Variants in GLB1 observed in about 807,000 individuals in gnomAD.
GLB1 encodes beta-galactosidase.
GLB1 carries 56 observed loss-of-function variants against 74.0 expected under a neutral mutation model. That is an observed-to-expected ratio of 0.76 (90% confidence interval 0.61 to 0.94). The LOEUF (loss-of-function observed/expected upper bound fraction) is 0.94, where lower values mean the gene tolerates loss of function less well. GLB1 is among the 40% of genes least tolerant of loss of function. The pLI is 0.00. For synonymous variants in GLB1, 323 were observed against 323.6 expected (o/e 1.00, Z 0.02); for missense variants, 787 against 845.5 (o/e 0.93, Z 0.86).
At chr3:33,040,619 G>GACAACA (rs974918861) in intron 10 of GLB1, among the ~76,000 whole-genome samples, 1 of 151,498 alleles carries the variant, frequency 6.6e-6, no homozygotes, top group African/African-American at 2.4e-5. Flanking sequence ...TAAGAACAAT[G>GACAACA]ACAACAACAA....
At chr3:33,046,281 G>A in intron 9 of GLB1, 49 bp from the exon 10 acceptor site, 1 of 1,606,918 alleles carries the variant, frequency 6.2e-7, no homozygotes, top group South Asian at 1.1e-5. Context: ...TGCAGCTCTG[G>A]GACAAGTTCT....
At chr3:33,051,558 T>C (rs1049595860) in intron 9 of GLB1, among the ~76,000 whole-genome samples, 200 bp downstream of exon 9, 1 of 146,028 alleles carries the variant, frequency 6.8e-6, no homozygotes, top group African/African-American at 2.6e-5. Context: ...TGAGTTGAGA[T>C]TGTACCACTG....
At chr3:32,969,759 A>G in the GLB1 span, among the ~76,000 whole-genome samples, 2 of 152,256 alleles carry the variant, frequency 1.3e-5, no homozygotes. Flanking sequence ...AGGAACTCAC[A>G]TGGAAAAAAC....
At chr3:33,091,648 A>G in intron 1 of GLB1, 1 of 984,692 alleles carries the variant, frequency 1.0e-6, no homozygotes. Context: ...TACGATAATT[A>G]TCCCCATTTT....
intron 12 of GLB1, 136 bp from the exon 13 acceptor site, chr3:33,018,697 T>A: frequency 2.1e-6 from 2 of 935,242 alleles, no homozygotes; most frequent in South Asian, 3.1e-5. Flanking sequence ...CCCGAAAAAA[T>A]TAAATTTGAA....
At position 32,997,141 on chromosome 3, in the gene GLB1, T is replaced by C. The variant is rs201051026; in HGVS notation, c.1938A>G (p.Ser646=). The change falls in exon 16 of 16, where the codon TCA becomes TCG. Residue 646 remains serine, a synonymous_variant. Coordinates refer to ENST00000307363, the MANE Select transcript of GLB1 (RefSeq NM_000404.4). ...VTFVDRPVIG[S]SVTYDHPSKP... ...TGGAGGGATGATCGTAGGTCACAGA[T>C]GAGCCAATAACTGGCCTGTCCACGA... The C allele has an allele frequency of 7.3e-5, 118 of 1,614,172 alleles. No individual in the cohort carries two copies. In the East Asian group the frequency reaches 2.6e-3, roughly 35 times the overall value.
rs150278896 is a variant in GLB1 at position 33,077,849 on chromosome 3, C to CAA, written c.76-5138_76-5137dup. ...TCAGTAAGTTATTTTGCTGTTTTAA[C>CAA]AAAAAAAAAACATAAAAATCCTTGC... On this transcript the variant is annotated intron_variant, in intron 1 of 15. Transcript: ENST00000307363. Among the ~76,000 whole-genome samples, 17 of 146,384 alleles carry CAA rather than the reference C, an allele frequency of 1.2e-4. No individual in the cohort carries two copies. In the East Asian group the frequency reaches 1.6e-3, roughly 13 times the overall value.
intron 10 of GLB1, among the ~76,000 whole-genome samples, chr3:33,034,976 T>C (rs1030137179): frequency 5.3e-5 from 8 of 152,238 alleles, no homozygotes; most frequent in Admixed American, 5.2e-4. Flanking sequence ...AAAATATTTT[T>C]AGCCATTTTT....
the GLB1 span, among the ~76,000 whole-genome samples, chr3:32,975,545 G>T: frequency 8.5e-3 from 1,293 of 152,124 alleles, 15 homozygotes; most frequent in African/African-American, 0.03. Flanking sequence ...CCCAGTACAG[G>T]GGCAACTTCA....
Position 33,091,892 on chromosome 3 carries a change from T to C in GLB1, c.75+5119A>G, listed in dbSNP as rs753605646. 40 of 985,470 alleles carry C rather than the reference T, an allele frequency of 4.1e-5. 1 individual carries two copies. The highest frequency in any genetic ancestry group is 2.9e-5 in the Non-Finnish European group (24 of 829,942). The allele number at this position is 985,470 out of a possible 1,614,324, so 61.0% of individuals were successfully genotyped here. A position where few individuals can be genotyped will look rare whatever the true frequency, so the allele number is the denominator to read the frequency against. ...CTCCATCTCAGGATCAAAGGATCTA[T>C]TGCTTCTGGCAAAAGGGCAAAAGCA... On this transcript the variant is annotated intron_variant, in intron 1 of 15. Coordinates refer to ENST00000307363, the MANE Select transcript of GLB1 (RefSeq NM_000404.4).
chr3:33,056,463 G>T (rs2125530410), intron 6 of GLB1, among the ~76,000 whole-genome samples: 1 of 151,444 alleles, frequency 6.6e-6, no homozygotes, highest in Admixed American at 6.6e-5. Flanking sequence ...GCCCAGCTTG[G>T]GGTGCAGTGG....
the GLB1 span, among the ~76,000 whole-genome samples, chr3:32,965,023 G>A: frequency 3.0e-3 from 463 of 152,288 alleles, 3 homozygotes; most frequent in Middle Eastern, 0.017. Context: ...CCATGATTGT[G>A]AGGCCTCCCT....
intron 5 of GLB1, among the ~76,000 whole-genome samples, chr3:33,062,446 G>A (rs1402118074): frequency 6.6e-6 from 1 of 152,194 alleles, no homozygotes; most frequent in East Asian, 1.9e-4. Flanking sequence ...GGGATTACGG[G>A]CATTGAGCCA....
intron 1 of GLB1, chr3:33,094,214 G>T (rs746681051): frequency 6.3e-7 from 1 of 1,578,754 alleles, no homozygotes; most frequent in Admixed American, 1.7e-5. Flanking sequence ...CTCCTAGTAG[G>T]CTCCCCCACC....
the GLB1 span, among the ~76,000 whole-genome samples, chr3:32,962,689 A>G: frequency 3.9e-5 from 6 of 151,954 alleles, no homozygotes; most frequent in African/African-American, 1.4e-4. Context: ...ATGTGGGATA[A>G]CAGACCCACA....
intron 7 of GLB1, among the ~76,000 whole-genome samples, chr3:33,053,217 C>T (rs1699070006): frequency 6.6e-6 from 1 of 152,146 alleles, no homozygotes; most frequent in Admixed American, 6.5e-5. Flanking sequence ...GCCCTGAGGA[C>T]CAGATGAGAC....
chr3:33,007,944 G>A (rs182567825), intron 15 of GLB1, among the ~76,000 whole-genome samples: 20 of 152,300 alleles, frequency 1.3e-4, no homozygotes, highest in Middle Eastern at 3.4e-3. Flanking sequence ...TCTGTACCTC[G>A]TACAAGTTAC....
At chr3:33,056,022 G>A (rs1369298866) in intron 6 of GLB1, among the ~76,000 whole-genome samples, 1 of 151,234 alleles carries the variant, frequency 6.6e-6, no homozygotes, top group African/African-American at 2.4e-5. Flanking sequence ...GAGGTTAGGA[G>A]TTTGAAACCA....
intron 1 of GLB1, chr3:33,092,419 A>T: frequency 1.0e-6 from 1 of 995,802 alleles, no homozygotes; most frequent in Non-Finnish European, 1.2e-6. Context: ...GAAACCACTT[A>T]AGTCCTAAAG....
Sources: gnomAD v4.1 joint callset for allele counts (sites outside exome capture counted in the v4.1 genomes callset) on GRCh38, gnomAD v4.1.1 for gene constraint, MANE v1.5 for transcripts, NCBI Gene and HGNC (gene_info 2026-07-23, HGNC 2026-07-21) for gene names.